FAM20B: variants seen among roughly 807,000 people sequenced by gnomAD.
The protein encoded by FAM20B is glycosaminoglycan xylosylkinase.
In FAM20B, 23 loss-of-function variants were observed where a neutral mutation model predicts 43.8. That is an observed-to-expected ratio of 0.53 (90% CI 0.38 to 0.74). The LOEUF (loss-of-function observed/expected upper bound fraction) is 0.74, where lower values mean the gene tolerates loss of function less well. Ranked by LOEUF, FAM20B falls within the 30% of genes least tolerant of loss-of-function variation. The probability of loss-of-function intolerance (pLI) is 0.00; values close to 1 mark genes in which losing one functional copy is unlikely to be tolerated. For synonymous variants in FAM20B, 178 were observed against 192.4 expected (o/e 0.93, Z 0.62); for missense variants, 440 against 510.5 (o/e 0.86, Z 1.33).
intron 6 of FAM20B, among the ~76,000 whole-genome samples, 169 bp downstream of exon 6, chr1:179,064,665 G>A (rs190694325): frequency 2.2e-4 from 34 of 152,228 alleles, no homozygotes; most frequent in African/African-American, 8.2e-4. Context: ...CACTCTCAGG[G>A]ATCTCAGTAC....
At chr1:179,037,094 G>A (rs1011603588) in intron 1 of FAM20B, among the ~76,000 whole-genome samples, 3 of 152,226 alleles carry the variant, frequency 2.0e-5, no homozygotes, top group Non-Finnish European at 2.9e-5. Context: ...TTAGGATACA[G>A]CTTTAATGCC....
chr1:179,031,600 C>T (rs936485276), intron 1 of FAM20B, among the ~76,000 whole-genome samples: 5 of 152,128 alleles, frequency 3.3e-5, no homozygotes, highest in Admixed American at 3.3e-4. Flanking sequence ...AGTTGCCTTC[C>T]TTCAGAGGGA....
chr1:179,029,892 T>A (rs1219096361), intron 1 of FAM20B, among the ~76,000 whole-genome samples: 1 of 152,246 alleles, frequency 6.6e-6, no homozygotes, highest in Non-Finnish European at 1.5e-5. Flanking sequence ...TGGTTATTAT[T>A]ACTAGCATAC....
intron 4 of FAM20B, among the ~76,000 whole-genome samples, chr1:179,058,415 G>A (rs12133094): frequency 0.049 from 7,404 of 152,282 alleles, 217 homozygotes; most frequent in South Asian, 0.087. Context: ...CCAGCTTACA[G>A]ACCCTATGAG....
chr1:179,069,061 T>C (rs72709434), intron 7 of FAM20B, among the ~76,000 whole-genome samples: 3,312 of 152,218 alleles, frequency 0.022, 66 homozygotes, highest in Middle Eastern at 0.048. Flanking sequence ...TCAGAGGGAA[T>C]TGGGGCCAGG....
intron 7 of FAM20B, among the ~76,000 whole-genome samples, chr1:179,071,326 C>T (rs1317976755): frequency 1.3e-5 from 2 of 151,966 alleles, no homozygotes; most frequent in Non-Finnish European, 2.9e-5. Context: ...AATTTTTTCC[C>T]AGTAGAAATT....
At chr1:179,022,448 CTG>C (rs147225409), upstream of FAM20B, among the ~76,000 whole-genome samples, 138 of 151,974 alleles carry the variant, frequency 9.1e-4, no homozygotes, top group African/African-American at 2.4e-3. Flanking sequence ...AAAAGAAACT[CTG>C]TGTGTGTGTG....
chr1:179,038,904 T>A (rs1413498193), intron 1 of FAM20B, among the ~76,000 whole-genome samples: 1 of 152,214 alleles, frequency 6.6e-6, no homozygotes, highest in East Asian at 1.9e-4. Context: ...TCTGCTTCCT[T>A]CATGAACAGA....
Position 179,044,121 on chromosome 1 carries a change from G to A in FAM20B, c.274G>A (p.Ala92Thr). 1 of 1,614,136 alleles carries A rather than the reference G, an allele frequency of 6.2e-7. No individual in the cohort carries two copies. Among genetic ancestry groups the A allele is most frequent in the South Asian group, 1.1e-5 (1 of 91,084 alleles). ...PELGAVMHAM[A>T]TKKIIKADVG... Reference sequence around the variant, plus strand: ...GCTGGGGGCAGTCATGCATGCCATGGCCACCAAGAAAATCATTAAAGCTGA... The same window carrying A: ...GCTGGGGGCAGTCATGCATGCCATGACCACCAAGAAAATCATTAAAGCTGA... The change falls in exon 2 of 8, where the codon GCC becomes ACC. Residue 92 changes from alanine (A) to threonine (T), a missense_variant. Ala to Thr is a moderately conservative substitution (Grantham distance 58, BLOSUM62 0). Coordinates refer to ENST00000263733, the MANE Select transcript of FAM20B (RefSeq NM_014864.4).
intron 1 of FAM20B, among the ~76,000 whole-genome samples, chr1:179,032,018 G>T (rs1206474443): frequency 6.6e-6 from 1 of 152,152 alleles, no homozygotes; most frequent in Non-Finnish European, 1.5e-5. Context: ...TCACTCTGAA[G>T]ATATCTATTT....
At chr1:179,041,428 C>T (rs1287619745) in intron 1 of FAM20B, among the ~76,000 whole-genome samples, 2 of 152,076 alleles carry the variant, frequency 1.3e-5, no homozygotes, top group African/African-American at 4.8e-5. Context: ...CCGAGGCTGG[C>T]GGATCACTCG....
intron 3 of FAM20B, 141 bp from the exon 4 acceptor site, chr1:179,054,388 A>G (rs1479099559): frequency 1.8e-5 from 10 of 546,122 alleles, no homozygotes; most frequent in Non-Finnish European, 3.0e-5. Context: ...TCCTAAATAT[A>G]TGTACCTCTA....
chr1:179,029,687 A>G (rs981162013), intron 1 of FAM20B, among the ~76,000 whole-genome samples: 1 of 152,252 alleles, frequency 6.6e-6, no homozygotes, highest in African/African-American at 2.4e-5. Flanking sequence ...ATATGAAATT[A>G]TGAATGTGTA....
intron 4 of FAM20B, among the ~76,000 whole-genome samples, chr1:179,062,636 C>T (rs549087477): frequency 5.9e-5 from 9 of 151,692 alleles, no homozygotes; most frequent in African/African-American, 9.7e-5. Flanking sequence ...GGCAACAGAG[C>T]GAGACTCCAT....
Position 179,040,433 on chromosome 1 carries a change from C to T in FAM20B, c.-133-3282C>T, listed in dbSNP as rs1385292895. Reference sequence around the variant, plus strand: ...GGGGCTCCTCACTTCCCAGTAGGGGCGGCCGGGCAGAGGCGCCCCTCACCT... The same window carrying T: ...GGGGCTCCTCACTTCCCAGTAGGGGTGGCCGGGCAGAGGCGCCCCTCACCT... On this transcript the variant is annotated intron_variant, in intron 1 of 7. Coordinates refer to ENST00000263733, the MANE Select transcript of FAM20B (RefSeq NM_014864.4). 7.9e-4 allele frequency among the ~76,000 whole-genome samples: 119 copies of T among 149,900 alleles called. 1 individual carries two copies. The highest frequency in any genetic ancestry group is 2.7e-3 in the African/African-American group (109 of 40,718).
At chr1:179,041,559 G>A (rs958269771) in intron 1 of FAM20B, among the ~76,000 whole-genome samples, 62 of 152,294 alleles carry the variant, frequency 4.1e-4, no homozygotes, top group South Asian at 2.1e-4. Flanking sequence ...AGGTTGCAGT[G>A]AGCCGAGATG....
intron 4 of FAM20B, among the ~76,000 whole-genome samples, chr1:179,063,449 A>G (rs971950464): frequency 7.2e-5 from 11 of 152,082 alleles, no homozygotes; most frequent in African/African-American, 2.7e-4. Flanking sequence ...TTAGCTGGGC[A>G]TGGAGGCATA....
At chr1:179,032,891 C>A (rs1261735339) in intron 1 of FAM20B, among the ~76,000 whole-genome samples, 2 of 152,118 alleles carry the variant, frequency 1.3e-5, no homozygotes, top group Non-Finnish European at 2.9e-5. Context: ...GAGGTTTTGA[C>A]TTTCTGGACA....
chr1:179,041,846 C>T (rs1263145996), intron 1 of FAM20B, among the ~76,000 whole-genome samples: 1 of 152,036 alleles, frequency 6.6e-6, no homozygotes. Context: ...TTGGGATATG[C>T]AAAAGTCCTT....
Sources: gnomAD v4.1 joint callset for allele counts (sites outside exome capture counted in the v4.1 genomes callset) on GRCh38, gnomAD v4.1.1 for gene constraint, MANE v1.5 for transcripts, NCBI Gene and HGNC (gene_info 2026-07-23, HGNC 2026-07-21) for gene names.